ARMH3: variants seen among roughly 807,000 people sequenced by gnomAD.
ARMH3 encodes armadillo like helical domain containing 3, also known as armadillo-like helical domain-containing protein 3.
A neutral mutation model predicts 99.1 loss-of-function variants in ARMH3; 60 were observed. That is an observed-to-expected ratio of 0.61 (90% confidence interval 0.49 to 0.75). ARMH3 has a LOEUF of 0.75. Among genes scored for constraint, ARMH3 ranks in the 30% least tolerant of loss-of-function variants. ARMH3 has a pLI of 0.00. For synonymous variants in ARMH3, 285 were observed against 292.8 expected, an observed-to-expected ratio of 0.97 and a Z score of 0.27; for missense variants, 679 against 843.1, an observed-to-expected ratio of 0.81 and a Z score of 2.41.
At chr10:101,990,409 G>C in intron 19 of ARMH3, 142 bp downstream of exon 19, 1 of 561,156 alleles carries the variant, frequency 1.8e-6, no homozygotes, top group South Asian at 2.5e-5. Context: ...CTGACCTTGT[G>C]ATCCGCCCGC....
chr10:101,889,985 T>G (rs147132847), intron 23 of ARMH3, among the ~76,000 whole-genome samples: 4 of 152,182 alleles, frequency 2.6e-5, no homozygotes, highest in African/African-American at 9.6e-5. Context: ...AAAAGCTGAG[T>G]GTCATTTTAA....
chr10:101,963,880 T>C (rs941516261), intron 20 of ARMH3, among the ~76,000 whole-genome samples: 5 of 145,690 alleles, frequency 3.4e-5, no homozygotes, highest in African/African-American at 1.0e-4. Flanking sequence ...TTTTCTTTCT[T>C]TTTTTTTTTT....
chr10:101,867,317 C>G (rs2067027201), intron 24 of ARMH3, among the ~76,000 whole-genome samples: 1 of 152,166 alleles, frequency 6.6e-6, no homozygotes, highest in Non-Finnish European at 1.5e-5. Context: ...CTGTACAATG[C>G]CACTGGCTAC....
chr10:102,027,270 T>C (rs1207673052), intron 5 of ARMH3, among the ~76,000 whole-genome samples: 7 of 144,334 alleles, frequency 4.8e-5, no homozygotes, highest in Non-Finnish European at 9.0e-5. Flanking sequence ...CAGAGTGAGA[T>C]TCCGTCTCAA....
intron 22 of ARMH3, among the ~76,000 whole-genome samples, chr10:101,944,739 G>A (rs756253343): frequency 3.9e-5 from 6 of 151,928 alleles, no homozygotes; most frequent in Non-Finnish European, 5.9e-5. Flanking sequence ...GCTTGAACCC[G>A]GGAGACAGAG....
chr10:101,916,081 G>A (rs988669292), intron 23 of ARMH3, among the ~76,000 whole-genome samples: 3 of 152,146 alleles, frequency 2.0e-5, no homozygotes, highest in African/African-American at 7.2e-5. Context: ...TGGGATTACA[G>A]TGTGAGCCAG....
At position 102,006,636 on chromosome 10, in the gene ARMH3, GAA is replaced by G. The variant is rs2066495418; in HGVS notation, c.955-5_955-4del. 6.8e-6 allele frequency: 11 copies of G among 1,613,064 alleles called. No homozygotes were observed. The highest frequency in any genetic ancestry group is 1.3e-5 in the African/African-American group (1 of 74,910). ...ACCAAGCCCATTTCTGGATGGCTCT[GAA>G]AAAGATACACAGATGTGTAAGAAAA... On this transcript the variant is annotated splice_region_variant and splice_polypyrimidine_tract_variant and intron_variant, in intron 13 of 25. Coordinates refer to ENST00000370033, the MANE Select transcript of ARMH3 (RefSeq NM_024541.3).
intron 1 of ARMH3, among the ~76,000 whole-genome samples, chr10:102,052,204 C>T (rs1215556017): frequency 1.3e-5 from 2 of 151,876 alleles, no homozygotes; most frequent in African/African-American, 2.4e-5. Context: ...AAGATAAAGT[C>T]CCATAATCAT....
chr10:102,025,570 G>A (rs772463685), intron 5 of ARMH3, among the ~76,000 whole-genome samples: 8 of 152,132 alleles, frequency 5.3e-5, no homozygotes, highest in African/African-American at 7.2e-5. Context: ...CCATATAAAC[G>A]TTTAGATTAC....
chr10:101,904,950 CAAA>C (rs34831483), intron 23 of ARMH3, among the ~76,000 whole-genome samples: 3 of 91,524 alleles, frequency 3.3e-5, no homozygotes, highest in Non-Finnish European at 4.1e-5. Context: ...GACTCCATCT[CAAA>C]AAAAAAAAAA....
At chr10:101,972,170 A>G (rs1845797198) in intron 20 of ARMH3, among the ~76,000 whole-genome samples, 1 of 152,202 alleles carries the variant, frequency 6.6e-6, no homozygotes. Context: ...CTCCTTGTCC[A>G]TAAGATCACA....
chr10:101,928,606 C>A (rs572927168), intron 23 of ARMH3, among the ~76,000 whole-genome samples: 1 of 152,018 alleles, frequency 6.6e-6, no homozygotes, highest in Non-Finnish European at 1.5e-5. Context: ...GAGTTTGAGG[C>A]CGCAATGAGC....
rs1484302327 is a variant in ARMH3, at chr10:101,849,030, T to C, written c.1977+746A>G. Among the ~76,000 whole-genome samples, 3 of 152,204 alleles carry C rather than the reference T, an allele frequency of 2.0e-5. No individual in the cohort carries two copies. The East Asian group carries it at 5.8e-4, about 29-fold the overall frequency. ...CTAATACGCAGTGCCTTCACCACAA[T>C]TGGCATGGGGTAAGTAAAAGCTGAG... On this transcript the variant is annotated intron_variant, in intron 25 of 25. Transcript: ENST00000370033.
intron 24 of ARMH3, among the ~76,000 whole-genome samples, chr10:101,874,359 T>C (rs1417828114): frequency 6.6e-6 from 1 of 152,210 alleles, no homozygotes; most frequent in Non-Finnish European, 1.5e-5. Flanking sequence ...TTTTTGGTCT[T>C]AATATTCCAT....
At chr10:101,944,265 TATATATATAGAGAGAGAGAGAG>T (rs1469239166) in intron 22 of ARMH3, among the ~76,000 whole-genome samples, 62 of 56,436 alleles carry the variant, frequency 1.1e-3, no homozygotes, top group East Asian at 3.1e-3. Context: ...TATATATATA[TATATATATAGAGAGAGAGAGAG>T]AGAGAGAGAG....
At chr10:101,877,480 T>C (rs1322771167) in intron 24 of ARMH3, among the ~76,000 whole-genome samples, 2 of 151,928 alleles carry the variant, frequency 1.3e-5, no homozygotes, top group African/African-American at 2.4e-5. Context: ...ACCAACATGG[T>C]GAAACCCCAT....
Position 101,972,638 on chromosome 10 carries a change from G to C in ARMH3, c.1495+2574C>G, listed in dbSNP as rs141073394. 2.0e-5 allele frequency among the ~76,000 whole-genome samples: 3 copies of C among 152,332 alleles called. No individual in the cohort carries two copies. In the East Asian group the frequency reaches 5.8e-4, roughly 29 times the overall value. On this transcript the variant is annotated intron_variant, in intron 20 of 25. Coordinates refer to ENST00000370033, the MANE Select transcript of ARMH3 (RefSeq NM_024541.3). The stretch of plus-strand genomic sequence containing the variant: ...GCAATATTATACATGTGACTGCATA[G>C]GATGCAACGTTGTGTTTTGCAGCTT...
chr10:101,959,440 A>G (rs1845182791), intron 20 of ARMH3, among the ~76,000 whole-genome samples: 1 of 152,140 alleles, frequency 6.6e-6, no homozygotes, highest in South Asian at 2.1e-4. Flanking sequence ...CACGCTTGGC[A>G]CTCTGCAAAA....
chr10:101,935,567 T>C (rs952454128), intron 23 of ARMH3, among the ~76,000 whole-genome samples: 10 of 152,146 alleles, frequency 6.6e-5, no homozygotes, highest in Non-Finnish European at 1.5e-4. Context: ...TACCTTACAG[T>C]AGTCATCAGA....
Sources: gnomAD v4.1 joint callset for allele counts (sites outside exome capture counted in the v4.1 genomes callset) on GRCh38, gnomAD v4.1.1 for gene constraint, MANE v1.5 for transcripts, NCBI Gene and HGNC (gene_info 2026-07-23, HGNC 2026-07-21) for gene names.